The following SLC44A1 variants were observed in gnomAD, a reference collection of about 807,000 sequenced individuals.
SLC44A1 encodes the protein choline transporter-like protein 1.
A neutral mutation model predicts 79.3 loss-of-function variants in SLC44A1; 26 were observed. The ratio of observed to expected loss-of-function variants is 0.33; its 90% CI spans 0.24 to 0.46. The LOEUF (loss-of-function observed/expected upper bound fraction) is 0.46. Among genes scored for constraint, SLC44A1 ranks in the 20% least tolerant of loss-of-function variants. The probability of loss-of-function intolerance (pLI) is 1.00; values close to 1 mark genes in which losing one functional copy is unlikely to be tolerated. For synonymous variants in SLC44A1, 263 were observed against 286.2 expected (o/e 0.92, Z 0.82); for missense variants, 688 against 798.1 (o/e 0.86, Z 1.66).
chr9:105,383,364 G>C lies in SLC44A1; in HGVS notation c.1869+5G>C. ...TATATGGATAAAGTGCTGATGGTAAGTACTTCAAATGCCGTTTCCTATTTT... is the reference window on the plus strand; with the variant it reads ...TATATGGATAAAGTGCTGATGGTAACTACTTCAAATGCCGTTTCCTATTTT... On this transcript the variant is annotated splice_donor_5th_base_variant and intron_variant, in intron 14 of 15. Coordinates refer to ENST00000374720, the MANE Select transcript of SLC44A1 (RefSeq NM_080546.5). 6.7e-7 allele frequency: 1 copy of C among 1,499,332 alleles called. No homozygotes were observed. 92.9% of individuals were successfully genotyped at this position (1,499,332 alleles called of 1,614,324 possible).
intron 12 of SLC44A1, among the ~76,000 whole-genome samples, 188 bp from the exon 13 acceptor site, chr9:105,374,410 T>C (rs1249472946): frequency 6.6e-6 from 1 of 152,224 alleles, no homozygotes; most frequent in African/African-American, 2.4e-5. Flanking sequence ...AAATGGAAAG[T>C]TATTTTTACC....
intron 1 of SLC44A1, among the ~76,000 whole-genome samples, chr9:105,292,700 C>T (rs1830629068): frequency 6.6e-6 from 1 of 152,076 alleles, no homozygotes; most frequent in South Asian, 2.1e-4. Flanking sequence ...CTTAATGTTC[C>T]CCATGTCTAT....
intron 15 of SLC44A1, among the ~76,000 whole-genome samples, chr9:105,408,461 G>A (rs1829056745): frequency 6.6e-6 from 1 of 152,164 alleles, no homozygotes; most frequent in Non-Finnish European, 1.5e-5. Context: ...CTCAGGCTGA[G>A]TGTAGTGGCA....
At chr9:105,260,500 C>T (rs1362430745) in intron 1 of SLC44A1, among the ~76,000 whole-genome samples, 1 of 152,206 alleles carries the variant, frequency 6.6e-6, no homozygotes, top group Non-Finnish European at 1.5e-5. Flanking sequence ...AACTAAGAAT[C>T]ACTCAGCTCT....
rs1263807958 is a variant in SLC44A1 at position 105,391,114 on chromosome 9, T to G, written c.*2058T>G. ...AGATGGGTATCAAAACAGAAGACATTCCAGGAGCTAGCAATTTTAAGAGGT... is the reference window on the plus strand; with the variant it reads ...AGATGGGTATCAAAACAGAAGACATGCCAGGAGCTAGCAATTTTAAGAGGT... On this transcript the variant is annotated 3_prime_UTR_variant, in exon 16 of 16. Coordinates refer to ENST00000374720, the MANE Select transcript of SLC44A1 (RefSeq NM_080546.5). The G allele has an allele frequency of 2.0e-6, 2 of 985,608 alleles. No individual in the cohort carries two copies. Among genetic ancestry groups the G allele is most frequent in the African/African-American group, 3.5e-5 (2 of 57,210 alleles). 61.1% of individuals were successfully genotyped at this position (985,608 alleles called of 1,614,324 possible). A position where few individuals can be genotyped will look rare whatever the true frequency, so the allele number is the denominator to read the frequency against.
At chr9:105,351,550 A>AAGAAAGAGAGAAAGAG (rs56381786) in intron 5 of SLC44A1, among the ~76,000 whole-genome samples, 12,191 of 100,266 alleles carry the variant, frequency 0.12, 1,280 homozygotes, top group South Asian at 0.21. Context: ...GAAAGAAAGA[A>AAGAAAGAGAGAAAGAG]AGAAAGAGAG....
intron 13 of SLC44A1, among the ~76,000 whole-genome samples, chr9:105,377,543 T>G (rs7019220): frequency 0.13 from 19,174 of 150,926 alleles, 2,357 homozygotes; most frequent in African/African-American, 0.33. Flanking sequence ...CTGAGGTCAG[T>G]AGTTCAAGAC....
At chr9:105,371,232 T>C (rs1171463932) in intron 12 of SLC44A1, among the ~76,000 whole-genome samples, 1 of 152,114 alleles carries the variant, frequency 6.6e-6, no homozygotes, top group Non-Finnish European at 1.5e-5. Flanking sequence ...GTAGATGAGG[T>C]TGATATTAAT....
chr9:105,281,881 T>C (rs570789361), intron 1 of SLC44A1, among the ~76,000 whole-genome samples: 7 of 152,336 alleles, frequency 4.6e-5, no homozygotes, highest in African/African-American at 1.7e-4. Context: ...GTATAGTTAT[T>C]TGAAGCCTGT....
Position 105,393,864 on chromosome 9 carries a change from A to G in SLC44A1, c.*4808A>G. 1.0e-6 allele frequency: 1 copy of G among 984,486 alleles called. No individual in the cohort carries two copies. Among genetic ancestry groups the G allele is most frequent in the Non-Finnish European group, 1.2e-6 (1 of 829,056 alleles). 61.0% of individuals were successfully genotyped at this position (984,486 alleles called of 1,614,324 possible). A position where few individuals can be genotyped will look rare whatever the true frequency, so the allele number is the denominator to read the frequency against. ...TTTTCTCCAGGACACGGAGCTCAGA[A>G]TAATAAAGCTTTTATTAATGGTCTA... On this transcript the variant is annotated 3_prime_UTR_variant, in exon 16 of 16. Coordinates refer to ENST00000374720, the MANE Select transcript of SLC44A1 (RefSeq NM_080546.5).
intron 3 of SLC44A1, among the ~76,000 whole-genome samples, chr9:105,310,823 G>A (rs1046168315): frequency 1.3e-5 from 2 of 152,098 alleles, no homozygotes; most frequent in African/African-American, 4.8e-5. Flanking sequence ...ATTTCTCAGC[G>A]TTATTACTCC....
Position 105,364,517 on chromosome 9 carries a change from T to G in SLC44A1, c.1088-38T>G, listed in dbSNP as rs776591327. 5 of 1,578,382 alleles carry G rather than the reference T, an allele frequency of 3.2e-6. No homozygotes were observed. The East Asian group carries it at 1.1e-4, about 35-fold the overall frequency. On this transcript the variant is annotated intron_variant, in intron 9 of 15. Transcript: ENST00000374720. Reference sequence around the variant, plus strand: ...ACTGCCGTATTTCTGGATTTGTACTTTATGTGCTTCTTCTTTCCTTCCTTG... The same window carrying G: ...ACTGCCGTATTTCTGGATTTGTACTGTATGTGCTTCTTCTTTCCTTCCTTG...
In SLC44A1 at chr9:105,342,156, G is replaced by A. The variant is rs572762142; in HGVS notation, c.407-6202G>A. Among the ~76,000 whole-genome samples the A allele has an allele frequency of 1.4e-3, 210 of 152,214 alleles. 2 individuals are homozygous for A. The highest frequency in any genetic ancestry group is 1.3e-3 in the Non-Finnish European group (87 of 68,006). On this transcript the variant is annotated intron_variant, in intron 4 of 15. Transcript: ENST00000374720. ...GTTCTCCCTTATCCATAGTTTTACTGTTCAATTTCAGTTATCCATGGTCAA... is the reference window on the plus strand; with the variant it reads ...GTTCTCCCTTATCCATAGTTTTACTATTCAATTTCAGTTATCCATGGTCAA...
chr9:105,385,811 T>A lies in SLC44A1; in HGVS notation c.1950+309T>A, dbSNP rs367729107. 315 of 985,430 alleles carry A rather than the reference T, an allele frequency of 3.2e-4. 1 individual carries two copies. The highest frequency in any genetic ancestry group is 6.1e-4 in the South Asian group (13 of 21,288). 61.0% of individuals were successfully genotyped at this position (985,430 alleles called of 1,614,324 possible). A position where few individuals can be genotyped will look rare whatever the true frequency, so the allele number is the denominator to read the frequency against. ...CTGTTGCTCTTGTTTCCTTTTTAAC[T>A]GTCAGTGTTTGGCTTTCATCAGACT... On this transcript the variant is annotated intron_variant, in intron 15 of 15. Coordinates refer to ENST00000374720, the MANE Select transcript of SLC44A1 (RefSeq NM_080546.5).
At chr9:105,355,887 G>A (rs2131398116) in intron 5 of SLC44A1, 2 of 243,290 alleles carry the variant, frequency 8.2e-6, no homozygotes, top group South Asian at 2.0e-4. Flanking sequence ...GCAGGCTAAG[G>A]AGTTTTAAGT....
intron 4 of SLC44A1, among the ~76,000 whole-genome samples, chr9:105,340,373 G>A (rs1827050071): frequency 6.6e-6 from 1 of 152,200 alleles, no homozygotes; most frequent in Non-Finnish European, 1.5e-5. Flanking sequence ...TGCCAGGGTG[G>A]CAGGGAGAGT....
Position 105,389,376 on chromosome 9 carries a change from A to C in SLC44A1, c.*320A>C. The C allele has an allele frequency of 9.3e-7, 1 of 1,074,330 alleles. No individual in the cohort carries two copies. The highest frequency in any genetic ancestry group is 1.1e-6 in the Non-Finnish European group (1 of 885,850). 66.5% of individuals were successfully genotyped at this position (1,074,330 alleles called of 1,614,324 possible). A position where few individuals can be genotyped will look rare whatever the true frequency, so the allele number is the denominator to read the frequency against. ...TTCATATCTGATTAACATTTTTAAT[A>C]ACTTAGAGGAGATTTTAACTTTATT... On this transcript the variant is annotated 3_prime_UTR_variant, in exon 16 of 16. Coordinates refer to ENST00000374720, the MANE Select transcript of SLC44A1 (RefSeq NM_080546.5).
intron 3 of SLC44A1, among the ~76,000 whole-genome samples, chr9:105,316,818 C>G (rs1831340229): frequency 6.6e-6 from 1 of 152,188 alleles, no homozygotes; most frequent in Admixed American, 6.5e-5. Flanking sequence ...GTATTACTTT[C>G]CTAATGTTGC....
At chr9:105,247,732 C>T (rs925442372) in intron 1 of SLC44A1, among the ~76,000 whole-genome samples, 3 of 152,174 alleles carry the variant, frequency 2.0e-5, no homozygotes, top group Non-Finnish European at 2.9e-5. Context: ...GTACCTTGTA[C>T]TTAATAGTTG....
Sources: gnomAD v4.1 joint callset for allele counts (sites outside exome capture counted in the v4.1 genomes callset) on GRCh38, gnomAD v4.1.1 for gene constraint, MANE v1.5 for transcripts, NCBI Gene and HGNC (gene_info 2026-07-23, HGNC 2026-07-21) for gene names.